Variants in CYFIP1 observed in about 807,000 individuals in gnomAD.
The protein encoded by CYFIP1 is cytoplasmic FMR1-interacting protein 1.
CYFIP1 carries 58 observed loss-of-function variants against 163.5 expected under a neutral mutation model. That is an observed-to-expected ratio of 0.35 (90% CI 0.29 to 0.44). The LOEUF is 0.44. Ranked by LOEUF, CYFIP1 falls within the 20% of genes least tolerant of loss-of-function variation. The pLI is 1.00. For missense variants in CYFIP1, 1,338 were observed against 1,653.8 expected (o/e 0.81, Z 3.31); for synonymous variants, 663 against 660.7 (o/e 1.00, Z -0.05).
At chr15:22,938,687 G>C (rs1017007123) in intron 8 of CYFIP1, among the ~76,000 whole-genome samples, 1 of 152,050 alleles carries the variant, frequency 6.6e-6, no homozygotes, top group Non-Finnish European at 1.5e-5. Context: ...AGGGTCCCTT[G>C]AGCCCAGGAG....
intron 1 of CYFIP1, among the ~76,000 whole-genome samples, chr15:22,976,332 A>G (rs771722475): frequency 8.6e-5 from 13 of 151,992 alleles, no homozygotes; most frequent in Non-Finnish European, 1.6e-4. Flanking sequence ...TAATTTTTGT[A>G]TTTTTAGTAG....
At chr15:22,899,788 G>A (rs750288080) in intron 22 of CYFIP1, among the ~76,000 whole-genome samples, 9 of 152,100 alleles carry the variant, frequency 5.9e-5, no homozygotes, top group Non-Finnish European at 1.0e-4. Flanking sequence ...TGGCTCATGC[G>A]TGTAATCCCA....
intron 11 of CYFIP1, 107 bp downstream of exon 11, chr15:22,932,116 G>A (rs866832072): frequency 5.6e-5 from 40 of 719,144 alleles, no homozygotes; most frequent in Middle Eastern, 2.6e-4. Flanking sequence ...ACATATGATC[G>A]TATCTGGTAG....
intron 1 of CYFIP1, among the ~76,000 whole-genome samples, chr15:22,977,373 TTTTC>T (rs1000890944): frequency 1.4e-4 from 22 of 152,314 alleles, no homozygotes; most frequent in Admixed American, 6.5e-4. Context: ...TTTGTATGCC[TTTTC>T]TTTCTTTGTC....
intron 1 of CYFIP1, among the ~76,000 whole-genome samples, chr15:22,977,724 G>A (rs889895839): frequency 6.6e-6 from 1 of 151,704 alleles, no homozygotes; most frequent in Non-Finnish European, 1.5e-5. Context: ...CCAGCTACTC[G>A]GAAGGCTGGG....
intron 5 of CYFIP1, among the ~76,000 whole-genome samples, chr15:22,943,803 C>A (rs909689422): frequency 2.6e-5 from 4 of 152,146 alleles, no homozygotes; most frequent in African/African-American, 9.7e-5. Flanking sequence ...CTGGATGTTT[C>A]CAAAATACTT....
At chr15:22,978,349 T>TCA (rs1177033270) in intron 1 of CYFIP1, among the ~76,000 whole-genome samples, 10 of 48,586 alleles carry the variant, frequency 2.1e-4, no homozygotes, top group Non-Finnish European at 3.1e-4. Flanking sequence ...TAAGACTCTG[T>TCA]CACAAAAAAA....
At chr15:22,903,633 A>G in intron 22 of CYFIP1, 73 bp downstream of exon 22, 3 of 1,505,114 alleles carry the variant, frequency 2.0e-6, no homozygotes, top group Middle Eastern at 1.7e-4. Flanking sequence ...ACCTGGTGAC[A>G]TGGAGGAAGC....
At position 22,943,163 on chromosome 15, in the gene CYFIP1, G is replaced by T. The variant is rs2305094; in HGVS notation, c.569+10C>A. 4 of 1,612,608 alleles carry T rather than the reference G, an allele frequency of 2.5e-6. No individual in the cohort carries two copies. The highest frequency in any genetic ancestry group is 2.2e-5 in the South Asian group (2 of 91,010). ...CGGGAGGGCCCGCAGTGCGCGAGGT[G>T]GGTGCTCACCTCTTGTACGCTGAGT... On this transcript the variant is annotated intron_variant, in intron 6 of 30. Coordinates refer to ENST00000617928, the MANE Select transcript of CYFIP1 (RefSeq NM_014608.6).
At chr15:22,880,354 T>G in intron 25 of CYFIP1, among the ~76,000 whole-genome samples, 1 of 152,164 alleles carries the variant, frequency 6.6e-6, no homozygotes, top group South Asian at 2.1e-4. Flanking sequence ...CTGCACCACA[T>G]CCCCAGTGGG....
rs143454158 is a variant in CYFIP1, at chr15:22,869,904, T to C, written c.*124A>G. On this transcript the variant is annotated 3_prime_UTR_variant, in exon 31 of 31. Coordinates refer to ENST00000617928, the MANE Select transcript of CYFIP1 (RefSeq NM_014608.6). The stretch of plus-strand genomic sequence containing the variant: ...AGTCAATTTTATAAAATTAAGTTTT[T>C]AGATCGAAAAGCACCCCCTTTAACA... 2,019 of 851,818 alleles carry C rather than the reference T, an allele frequency of 2.4e-3. 87 individuals are homozygous for C. In the Admixed American group the frequency reaches 0.07, roughly 29 times the overall value. The allele number at this position is 851,818 out of a possible 1,614,324, so 52.8% of individuals were successfully genotyped here. A position where few individuals can be genotyped will look rare whatever the true frequency, so the allele number is the denominator to read the frequency against.
In CYFIP1 at chr15:22,883,307, G is replaced by C. The variant is rs372511744; in HGVS notation, c.2677-296C>G. Among the ~76,000 whole-genome samples, 18 of 152,318 alleles carry C rather than the reference G, an allele frequency of 1.2e-4. No homozygotes were observed. In the East Asian group the frequency reaches 3.3e-3, roughly 28 times the overall value. On this transcript the variant is annotated intron_variant, in intron 23 of 30. Transcript: ENST00000617928. ...TAGAATGAGAAATGAATACGACCCAGAGTTTCCCCCTGCCTCCCAGTCTCC... is the reference window on the plus strand; with the variant it reads ...TAGAATGAGAAATGAATACGACCCACAGTTTCCCCCTGCCTCCCAGTCTCC...
At chr15:22,873,815 A>C in intron 28 of CYFIP1, 86 bp from the exon 29 acceptor site, 1 of 1,226,948 alleles carries the variant, frequency 8.2e-7, no homozygotes, top group Non-Finnish European at 1.2e-6. Context: ...CTCTTGAGAC[A>C]GGGTCTTGCT....
intron 13 of CYFIP1, among the ~76,000 whole-genome samples, chr15:22,921,188 T>G (rs2061164191): frequency 6.6e-6 from 1 of 151,326 alleles, no homozygotes; most frequent in Non-Finnish European, 1.5e-5. Flanking sequence ...GCCAATATGG[T>G]GAAACCCCGT....
At chr15:22,872,537 G>A in intron 30 of CYFIP1, 1 of 320,650 alleles carries the variant, frequency 3.1e-6, no homozygotes, top group East Asian at 7.0e-5. Context: ...CAGACTTCCA[G>A]GGGCCCGAAG....
intron 1 of CYFIP1, among the ~76,000 whole-genome samples, chr15:22,970,514 A>T (rs1483019875): frequency 6.6e-6 from 1 of 152,232 alleles, no homozygotes; most frequent in Non-Finnish European, 1.5e-5. Context: ...ACAAAGTTGG[A>T]GACTTCACTC....
At position 22,918,744 on chromosome 15, in the gene CYFIP1, G is replaced by C. The variant is rs1414802250; in HGVS notation, c.1474C>G (p.Leu492Val). The C allele has an allele frequency of 6.2e-7, 1 of 1,613,360 alleles. No individual in the cohort carries two copies. Among genetic ancestry groups the C allele is most frequent in the South Asian group, 1.1e-5 (1 of 91,020 alleles). ...ATGGCCTGCCGCAGCGGCTCCCTAA[G>C]GGTCACCTGGGAGAAGTCCTGCAGT... The part of the protein sequence containing the change: ...AALQDFSQVT[L>V]REPLRQAIKK... The change falls in exon 14 of 31, where the codon CTT (leucine) becomes GTT (valine). Residue 492 changes from leucine to valine, a missense_variant. By Grantham distance (32) the Leu-to-Val change is conservative. Transcript: ENST00000617928.
intron 1 of CYFIP1, among the ~76,000 whole-genome samples, chr15:22,970,707 A>T (rs1264173214): frequency 6.6e-6 from 1 of 152,230 alleles, no homozygotes; most frequent in East Asian, 1.9e-4. Context: ...TAGTCTTTTC[A>T]ACAAATTGTG....
At chr15:22,936,539 A>G (rs1193246763) in intron 9 of CYFIP1, among the ~76,000 whole-genome samples, 2 of 152,118 alleles carry the variant, frequency 1.3e-5, no homozygotes, top group African/African-American at 4.8e-5. Context: ...GCATTCTCTC[A>G]CTGCTGATGG....
Sources: allele counts gnomAD v4.1 joint callset (sites outside exome capture counted in the v4.1 genomes callset), GRCh38; gene constraint gnomAD v4.1.1; transcripts MANE v1.5; gene names NCBI Gene and HGNC (gene_info 2026-07-23, HGNC 2026-07-21).